The following TAF12 variants were observed in gnomAD, a reference collection of about 807,000 sequenced individuals.
The protein encoded by TAF12 is transcription initiation factor TFIID subunit 12.
In TAF12, 3 loss-of-function variants were observed where a neutral mutation model predicts 20.8. The observed-to-expected ratio is 0.14, with a 90% confidence interval of 0.07 to 0.37. The LOEUF is 0.37. TAF12 is among the 10% of genes least tolerant of loss of function. The pLI is 1.00. For missense variants in TAF12, 131 were observed against 197.9 expected (o/e 0.66, Z 2.03); for synonymous variants, 69 against 70.2 (o/e 0.98, Z 0.09).
At chr1:28,642,963 T>C (rs1570347578) in intron 1 of TAF12, 29 bp downstream of exon 1, 1 of 986,290 alleles carries the variant, frequency 1.0e-6, no homozygotes, top group Non-Finnish European at 1.2e-6. Flanking sequence ...CCCGCTCTTG[T>C]TCCTCAACTG....
chr1:28,632,708 G>A (rs138010798), intron 1 of TAF12, among the ~76,000 whole-genome samples: 22 of 152,158 alleles, frequency 1.4e-4, no homozygotes, highest in East Asian at 3.9e-4. Flanking sequence ...GCAGAGGAGC[G>A]TTTGACTACA....
At chr1:28,611,234 G>T (rs548300129) in intron 4 of TAF12, among the ~76,000 whole-genome samples, 1 of 142,206 alleles carries the variant, frequency 7.0e-6, no homozygotes, top group African/African-American at 2.5e-5. Flanking sequence ...GATGGGAAGG[G>T]TAGGATTGGG....
At chr1:28,617,518 G>A (rs1375436192) in intron 3 of TAF12, among the ~76,000 whole-genome samples, 3 of 150,436 alleles carry the variant, frequency 2.0e-5, no homozygotes, top group Admixed American at 6.7e-5. Flanking sequence ...GCATGGTCTC[G>A]GCTCACTGCA....
At chr1:28,629,134 T>G (rs1667535281) in intron 1 of TAF12, among the ~76,000 whole-genome samples, 1 of 152,118 alleles carries the variant, frequency 6.6e-6, no homozygotes. Context: ...AAATTATTCC[T>G]GGCAAGATAC....
At chr1:28,647,174 A>G (rs1422708698), upstream of TAF12, among the ~76,000 whole-genome samples, 1 of 152,158 alleles carries the variant, frequency 6.6e-6, no homozygotes, top group Non-Finnish European at 1.5e-5. Context: ...GTGTACATAC[A>G]TAGAAAGCAG....
At chr1:28,646,300 T>G (rs1051932861), upstream of TAF12, 11 of 152,002 alleles carry the variant, frequency 7.2e-5, no homozygotes, top group Non-Finnish European at 1.2e-4. Flanking sequence ...GAGAGAGAGA[T>G]AACACTGGTG....
intron 4 of TAF12, among the ~76,000 whole-genome samples, chr1:28,608,246 G>A (rs984385310): frequency 2.7e-5 from 4 of 150,370 alleles, no homozygotes; most frequent in African/African-American, 7.3e-5. Context: ...TCGGGAGGCT[G>A]AGGCAGGAGA....
chr1:28,622,526 T>C (rs1224573836), intron 1 of TAF12, among the ~76,000 whole-genome samples: 1 of 152,118 alleles, frequency 6.6e-6, no homozygotes, highest in Non-Finnish European at 1.5e-5. Context: ...CATTTCCAAA[T>C]ATTAAGTGAA....
chr1:28,640,680 C>A (rs1311854874), intron 1 of TAF12, among the ~76,000 whole-genome samples: 1 of 152,152 alleles, frequency 6.6e-6, no homozygotes, highest in African/African-American at 2.4e-5. Context: ...CCATCCTTAT[C>A]CAAAAGCAGC....
intron 4 of TAF12, among the ~76,000 whole-genome samples, chr1:28,612,507 A>T (rs541119293): frequency 4.8e-4 from 70 of 146,068 alleles, no homozygotes; most frequent in African/African-American, 7.0e-4. Flanking sequence ...AATATATATA[A>T]AAATTATATA....
intron 1 of TAF12, among the ~76,000 whole-genome samples, chr1:28,622,824 G>A (rs1489399129): frequency 6.6e-6 from 1 of 150,874 alleles, no homozygotes; most frequent in African/African-American, 2.4e-5. Context: ...AGTTCGAGAG[G>A]AGCCTGACCA....
chr1:28,627,002 G>A (rs1048423891), intron 1 of TAF12, among the ~76,000 whole-genome samples: 2 of 152,066 alleles, frequency 1.3e-5, no homozygotes, highest in African/African-American at 4.8e-5. Context: ...ATCAAATTAG[G>A]ATTTTTTTTT....
At chr1:28,618,766 G>A (rs534164143) in intron 2 of TAF12, among the ~76,000 whole-genome samples, 1 of 152,018 alleles carries the variant, frequency 6.6e-6, no homozygotes, top group South Asian at 2.1e-4. Context: ...ACTGTATCCT[G>A]TGTACCCTTT....
chr1:28,609,028 T>C (rs1418068775), intron 4 of TAF12, among the ~76,000 whole-genome samples: 12 of 152,214 alleles, frequency 7.9e-5, no homozygotes, highest in Admixed American at 7.9e-4. Flanking sequence ...TGTAACTACG[T>C]ATACCTATAT....
chr1:28,625,180 A>C (rs1667340302), intron 1 of TAF12, among the ~76,000 whole-genome samples: 1 of 152,190 alleles, frequency 6.6e-6, no homozygotes, highest in Non-Finnish European at 1.5e-5. Flanking sequence ...AATAATACTG[A>C]GTATTGCACA....
intron 1 of TAF12, among the ~76,000 whole-genome samples, chr1:28,626,151 G>C (rs1022669907): frequency 1.3e-5 from 2 of 151,468 alleles, no homozygotes; most frequent in Non-Finnish European, 2.9e-5. Flanking sequence ...GCAGATTTTT[G>C]TATTTTTAGT....
In TAF12 at chr1:28,605,354, G is replaced by A. The variant is rs1666632135; in HGVS notation, c.450+18C>T. On this transcript the variant is annotated intron_variant, in intron 5 of 5. Transcript: ENST00000373824. ...GGAATCAGCCCTGGCTGTCCCCAGG[G>A]CTCTGGCATTTCCTCACCTGTTTGT... 1.2e-6 allele frequency: 2 copies of A among 1,613,538 alleles called. No homozygotes were observed. The highest frequency in any genetic ancestry group is 2.2e-5 in the South Asian group (2 of 91,074).
chr1:28,612,192 G>A (rs148794431), intron 4 of TAF12, among the ~76,000 whole-genome samples: 237 of 152,202 alleles, frequency 1.6e-3, no homozygotes, highest in African/African-American at 5.5e-3. Flanking sequence ...GCTCATGACT[G>A]TAATCCCAGC....
intron 2 of TAF12, among the ~76,000 whole-genome samples, chr1:28,620,253 C>A (rs1667171403): frequency 6.6e-6 from 1 of 151,102 alleles, no homozygotes; most frequent in Admixed American, 6.6e-5. Context: ...TTTGCCTCAG[C>A]CTCCTGAGTA....
Sources: allele counts gnomAD v4.1 joint callset (sites outside exome capture counted in the v4.1 genomes callset), GRCh38; gene constraint gnomAD v4.1.1; transcripts MANE v1.5; gene names NCBI Gene and HGNC (gene_info 2026-07-23, HGNC 2026-07-21).